The following ATP9B variants were observed in gnomAD, a reference collection of about 807,000 sequenced individuals.
ATP9B encodes probable phospholipid-transporting ATPase IIB.
A neutral mutation model predicts 146.1 loss-of-function variants in ATP9B; 110 were observed. That is an observed-to-expected ratio of 0.75 (90% CI 0.65 to 0.88). ATP9B has a LOEUF of 0.88. Ranked by LOEUF, ATP9B falls within the 40% of genes least tolerant of loss-of-function variation. The pLI is 0.00. For synonymous variants in ATP9B, 604 were observed against 569.7 expected (o/e 1.06, Z -0.86); for missense variants, 1,499 against 1,496.4 (o/e 1.00, Z -0.03).
At chr18:79,375,979 AG>A in intron 29 of ATP9B, 1 of 985,366 alleles carries the variant, frequency 1.0e-6, no homozygotes. Context: ...AGTCATTAGC[AG>A]TACAGCTTGG....
intron 12 of ATP9B, among the ~76,000 whole-genome samples, chr18:79,260,327 G>A (rs115832349): frequency 3.4e-4 from 52 of 152,242 alleles, no homozygotes; most frequent in African/African-American, 1.1e-3. Context: ...GAACGCATGA[G>A]AACTCACTCA....
chr18:79,200,760 A>T (rs78365604), intron 9 of ATP9B, among the ~76,000 whole-genome samples: 3 of 13,350 alleles, frequency 2.2e-4, no homozygotes, highest in South Asian at 3.2e-3. Context: ...TGGAGGTGGG[A>T]ACGTTGGGGT....
At chr18:79,376,172 A>AACACACACACACACACCC (rs2097100623) in intron 29 of ATP9B, 1 of 754,998 alleles carries the variant, frequency 1.3e-6, no homozygotes, top group African/African-American at 2.5e-5. Flanking sequence ...CTACCTTAGA[A>AACACACACACACACACCC]ACACACACAC....
intron 3 of ATP9B, among the ~76,000 whole-genome samples, chr18:79,111,760 G>A (rs667691): frequency 1.8e-3 from 270 of 152,228 alleles, no homozygotes; most frequent in African/African-American, 6.3e-3. Context: ...CAGATTGGCC[G>A]CATGCTGAAA....
chr18:79,105,075 A>T (rs938980283), intron 2 of ATP9B, among the ~76,000 whole-genome samples: 3 of 152,216 alleles, frequency 2.0e-5, no homozygotes, highest in African/African-American at 7.2e-5. Context: ...TGGGATGAGA[A>T]GCGACCTGAG....
chr18:79,280,471 A>G (rs764591752), intron 13 of ATP9B, among the ~76,000 whole-genome samples: 10 of 152,350 alleles, frequency 6.6e-5, no homozygotes, highest in Middle Eastern at 3.4e-3. Flanking sequence ...TCAATTCAAA[A>G]TGTTTGTGTA....
chr18:79,079,264 T>A (rs1276422515), intron 1 of ATP9B, among the ~76,000 whole-genome samples: 1 of 152,230 alleles, frequency 6.6e-6, no homozygotes, highest in Non-Finnish European at 1.5e-5. Flanking sequence ...TTGAACTAAC[T>A]TACACTCCCA....
At chr18:79,233,526 AAAAGCATTGGCCTGGG>A (rs1310900021) in intron 11 of ATP9B, among the ~76,000 whole-genome samples, 6 of 152,334 alleles carry the variant, frequency 3.9e-5, no homozygotes, top group Admixed American at 3.9e-4. Context: ...CAGAGAAAAT[AAAAGCATTGGCCTGGG>A]AAAGGCACAC....
At chr18:79,109,605 G>A (rs1240486351) in intron 2 of ATP9B, among the ~76,000 whole-genome samples, 2 of 141,158 alleles carry the variant, frequency 1.4e-5, no homozygotes, top group Non-Finnish European at 3.0e-5. Flanking sequence ...TCACTCTTTC[G>A]CCCAGGCTGA....
At chr18:79,109,564 CT>C (rs34940699) in intron 2 of ATP9B, among the ~76,000 whole-genome samples, 18,800 of 129,810 alleles carry the variant, frequency 0.14, 1,730 homozygotes, top group African/African-American at 0.29. Context: ...ATTGAGCTGT[CT>C]TTTTTTTTTT....
chr18:79,270,768 C>G (rs2096246316), intron 12 of ATP9B, among the ~76,000 whole-genome samples: 1 of 152,158 alleles, frequency 6.6e-6, no homozygotes, highest in Non-Finnish European at 1.5e-5. Context: ...TCTCAACCAA[C>G]CAGAGTACTT....
chr18:79,167,154 C>A (rs117783423), intron 7 of ATP9B, among the ~76,000 whole-genome samples: 4,813 of 152,276 alleles, frequency 0.032, 114 homozygotes, highest in Non-Finnish European at 0.042. Context: ...AGCCACAGAT[C>A]TTCTCTCCTT....
chr18:79,129,195 G>A (rs534551048), intron 5 of ATP9B, among the ~76,000 whole-genome samples: 24 of 152,266 alleles, frequency 1.6e-4, no homozygotes, highest in African/African-American at 5.8e-4. Context: ...TGACAGTCAA[G>A]CCAGATAGTA....
chr18:79,139,338 A>T (rs1330714664), intron 5 of ATP9B, among the ~76,000 whole-genome samples: 2 of 152,178 alleles, frequency 1.3e-5, no homozygotes, highest in Non-Finnish European at 2.9e-5. Context: ...TACATAATCG[A>T]GTGTGCTAGA....
intron 8 of ATP9B, among the ~76,000 whole-genome samples, chr18:79,189,490 C>G (rs2095342155): frequency 6.6e-6 from 1 of 152,202 alleles, no homozygotes; most frequent in African/African-American, 2.4e-5. Context: ...TAACTCCCCC[C>G]AAATTTAACT....
intron 1 of ATP9B, among the ~76,000 whole-genome samples, chr18:79,071,050 T>TTTTTTC: frequency 1.9e-5 from 1 of 54,052 alleles, no homozygotes; most frequent in African/African-American, 8.5e-5. Flanking sequence ...TTCCTGTTTC[T>TTTTTTC]TTTTTTTTTT....
At chr18:79,179,160 T>G (rs1021174282) in intron 8 of ATP9B, among the ~76,000 whole-genome samples, 1 of 152,234 alleles carries the variant, frequency 6.6e-6, no homozygotes, top group Non-Finnish European at 1.5e-5. Flanking sequence ...TTTTTAGCCA[T>G]TTTAGGATTC....
chr18:79,244,092 A>G (rs1754063374), intron 11 of ATP9B, among the ~76,000 whole-genome samples: 1 of 152,212 alleles, frequency 6.6e-6, no homozygotes, highest in Admixed American at 6.5e-5. Context: ...CTAAAATTTT[A>G]TAAGAGAAAT....
At chr18:79,212,279 G>A (rs1006299831) in intron 10 of ATP9B, among the ~76,000 whole-genome samples, 7 of 152,256 alleles carry the variant, frequency 4.6e-5, no homozygotes, top group Admixed American at 1.3e-4. Context: ...GAATACTTAC[G>A]AGAGCCTTTA....
Sources: allele counts gnomAD v4.1 joint callset (sites outside exome capture counted in the v4.1 genomes callset), GRCh38; gene constraint gnomAD v4.1.1; transcripts MANE v1.5; gene names NCBI Gene and HGNC (gene_info 2026-07-23, HGNC 2026-07-21).